Variants in DCAF8L2 observed in about 807,000 individuals in gnomAD.
The protein encoded by DCAF8L2 is DDB1 and CUL4 associated factor 8 like 2.
For synonymous variants in DCAF8L2, 200 were observed against 190.9 expected, an observed-to-expected ratio of 1.05 and a Z score of -0.39; for missense variants, 430 against 490.7, an observed-to-expected ratio of 0.88 and a Z score of 1.17.
rs1757767845 is a variant in DCAF8L2 at position 27,749,753 on chromosome X, T to C, written c.*962T>C. Among the ~76,000 whole-genome samples the C allele has an allele frequency of 1.8e-5, 2 of 112,107 alleles. No homozygotes were observed. The highest frequency in any genetic ancestry group is 9.5e-5 in the Admixed American group (1 of 10,551). ...TTTTAAGAACAAGTTGCAATAAAGA[T>C]TGTTTATACTTACACATAACCATTT... On this transcript the variant is annotated 3_prime_UTR_variant, in exon 5 of 5. Coordinates refer to ENST00000451261, the MANE Select transcript of DCAF8L2 (RefSeq NM_001353450.2).
At chrX:27,582,636 A>G in the DCAF8L2 span, among the ~76,000 whole-genome samples, 1 of 111,411 alleles carries the variant, frequency 9.0e-6, no homozygotes, top group African/African-American at 3.3e-5. Flanking sequence ...CATTATATCA[A>G]CATTTCTTAT....
At chrX:27,568,756 G>A in the DCAF8L2 span, among the ~76,000 whole-genome samples, 2 of 106,208 alleles carry the variant, frequency 1.9e-5, no homozygotes, top group Non-Finnish European at 3.9e-5. Flanking sequence ...GTGCCATGTT[G>A]GTGTGCTGTA....
intron 1 of DCAF8L2, among the ~76,000 whole-genome samples, chrX:27,615,831 A>C (rs956503857): frequency 9.0e-6 from 1 of 111,164 alleles, no homozygotes; most frequent in Admixed American, 9.7e-5. Flanking sequence ...AAACCTCTTA[A>C]AGTTTATGAA....
intron 2 of DCAF8L2, among the ~76,000 whole-genome samples, chrX:27,666,306 G>T (rs938140302): frequency 8.9e-6 from 1 of 111,910 alleles, no homozygotes; most frequent in South Asian, 3.7e-4. Context: ...AGGAACCTCA[G>T]AGAAAATTGG....
Position 27,690,495 on chromosome X carries a change from C to A in DCAF8L2, c.-143+12583C>A, listed in dbSNP as rs776190462. Among the ~76,000 whole-genome samples, 4 of 111,204 alleles carry A rather than the reference C, an allele frequency of 3.6e-5. No individual in the cohort carries two copies. The South Asian group carries it at 1.5e-3, about 43-fold the overall frequency. On this transcript the variant is annotated intron_variant, in intron 3 of 4. Coordinates refer to ENST00000451261, the MANE Select transcript of DCAF8L2 (RefSeq NM_001353450.2). ...TAGAAAGAGATACAATTTTTCATTT[C>A]TCTGGCCTTATCTTACCAGAGTTCG...
chrX:27,581,970 T>C, the DCAF8L2 span, among the ~76,000 whole-genome samples: 1 of 112,204 alleles, frequency 8.9e-6, no homozygotes, highest in African/African-American at 3.2e-5. Context: ...TTTATTTTAT[T>C]TTGAGTCACT....
chrX:27,656,822 T>C (rs1167105341), intron 2 of DCAF8L2, among the ~76,000 whole-genome samples: 1 of 111,810 alleles, frequency 8.9e-6, no homozygotes, highest in Non-Finnish European at 1.9e-5. Context: ...GGAAGGAAGA[T>C]ATACATTATC....
In DCAF8L2 at chrX:27,633,594, T is replaced by C. The variant is rs1362453908; in HGVS notation, c.-220+1594T>C. 3 of 111,630 alleles carry C rather than the reference T, an allele frequency of 2.7e-5. No homozygotes were observed. The Admixed American group carries it at 2.9e-4, about 11-fold the overall frequency. 9.2% of individuals were successfully genotyped at this position (111,630 alleles called of 1,213,427 possible). On this transcript the variant is annotated intron_variant, in intron 2 of 4. Coordinates refer to ENST00000451261, the MANE Select transcript of DCAF8L2 (RefSeq NM_001353450.2). ...TTCTGTACCCTTTCCAAATTGCCGA[T>C]ACCAATTTCAAATCCCCAGGGCAGA...
chrX:27,654,889 A>G lies in DCAF8L2; in HGVS notation c.-220+22889A>G, dbSNP rs189305623. Among the ~76,000 whole-genome samples the G allele has an allele frequency of 9.0e-3, 1,007 of 111,523 alleles. 9 individuals carry two copies. The highest frequency in any genetic ancestry group is 0.031 in the African/African-American group (960 of 30,814). On this transcript the variant is annotated intron_variant, in intron 2 of 4. Transcript: ENST00000451261. ...TTAACGTTTATTTTTTCTTATTAATATATGTCATTAACGTAACATTAATGT... is the reference window on the plus strand; with the variant it reads ...TTAACGTTTATTTTTTCTTATTAATGTATGTCATTAACGTAACATTAATGT...
chrX:27,479,070 C>T, the DCAF8L2 span, among the ~76,000 whole-genome samples: 5 of 111,303 alleles, frequency 4.5e-5, no homozygotes, highest in African/African-American at 1.3e-4. Flanking sequence ...TTCTCTCTCT[C>T]TCTATGTTTC....
rs1471638368 is a variant in DCAF8L2, at chrX:27,723,382, A to G, written c.-59+7211A>G. 2.7e-5 allele frequency among the ~76,000 whole-genome samples: 3 copies of G among 111,427 alleles called. No individual in the cohort carries two copies. In the East Asian group the frequency reaches 8.4e-4, roughly 31 times the overall value. On this transcript the variant is annotated intron_variant, in intron 4 of 4. Transcript: ENST00000451261. Reference sequence around the variant, plus strand: ...ATAGAAAAAAAACTCCTAGAAATCAAGAATAGTAAGACCAACAACACAACA... The same window carrying G: ...ATAGAAAAAAAACTCCTAGAAATCAGGAATAGTAAGACCAACAACACAACA...
the DCAF8L2 span, among the ~76,000 whole-genome samples, chrX:27,472,745 G>C: frequency 8.0e-5 from 9 of 112,033 alleles, no homozygotes; most frequent in African/African-American, 2.6e-4. Flanking sequence ...TGACTGTATA[G>C]TATTCCATTA....
the DCAF8L2 span, among the ~76,000 whole-genome samples, chrX:27,572,991 G>A: frequency 9.0e-5 from 10 of 110,859 alleles, no homozygotes; most frequent in Non-Finnish European, 1.5e-4. Flanking sequence ...TACATCAGAA[G>A]TAGGGTCTTA....
intron 2 of DCAF8L2, among the ~76,000 whole-genome samples, chrX:27,676,080 C>A (rs1205242909): frequency 3.6e-5 from 4 of 111,584 alleles, no homozygotes; most frequent in Non-Finnish European, 7.5e-5. Flanking sequence ...CAGTTTATCA[C>A]CCCATTTCTA....
intron 2 of DCAF8L2, among the ~76,000 whole-genome samples, chrX:27,637,714 A>C (rs1262027395): frequency 9.0e-6 from 1 of 111,498 alleles, no homozygotes; most frequent in African/African-American, 3.3e-5. Flanking sequence ...ATCATTTATG[A>C]ATAAAAGGGG....
chrX:27,667,883 A>G (rs961632213), intron 2 of DCAF8L2, among the ~76,000 whole-genome samples: 8 of 112,295 alleles, frequency 7.1e-5, no homozygotes, highest in Non-Finnish European at 1.3e-4. Flanking sequence ...TAAAAGGTAC[A>G]GACTTCTATA....
At chrX:27,626,167 G>A (rs1343035817) in intron 1 of DCAF8L2, among the ~76,000 whole-genome samples, 1 of 111,597 alleles carries the variant, frequency 9.0e-6, no homozygotes, top group South Asian at 3.8e-4. Context: ...GCTACCAAGG[G>A]GAATTTGGAG....
chrX:27,497,509 TTTCCTTCCTTCC>T, the DCAF8L2 span, among the ~76,000 whole-genome samples: 156 of 46,526 alleles, frequency 3.4e-3, no homozygotes, highest in Non-Finnish European at 5.2e-3. Flanking sequence ...TCTTTCTTTC[TTTCCTTCCTTCC>T]TTCCTTCCTT....
At chrX:27,694,462 A>G (rs931468210) in intron 3 of DCAF8L2, among the ~76,000 whole-genome samples, 9 of 111,174 alleles carry the variant, frequency 8.1e-5, no homozygotes. Flanking sequence ...TAACATTTCT[A>G]TCAAACTGAT....
Sources: gnomAD v4.1 joint callset for allele counts (sites outside exome capture counted in the v4.1 genomes callset) on GRCh38, gnomAD v4.1.1 for gene constraint, MANE v1.5 for transcripts, NCBI Gene and HGNC (gene_info 2026-07-23, HGNC 2026-07-21) for gene names.